MGAT4C: variants seen among roughly 807,000 people sequenced by gnomAD.
MGAT4C encodes the protein alpha-1,3-mannosyl-glycoprotein 4-beta-N-acetylglucosaminyltransferase C.
A neutral mutation model predicts 40.1 loss-of-function variants in MGAT4C; 19 were observed. That is an observed-to-expected ratio of 0.47 (90% CI 0.33 to 0.70). The LOEUF (loss-of-function observed/expected upper bound fraction) is 0.70. Among genes scored for constraint, MGAT4C ranks in the 30% least tolerant of loss-of-function variants. MGAT4C has a pLI of 0.02. For missense variants in MGAT4C, 491 were observed against 563.2 expected, an observed-to-expected ratio of 0.87 and a Z score of 1.30; for synonymous variants, 181 against 187.1, an observed-to-expected ratio of 0.97 and a Z score of 0.27.
chr12:86,057,822 G>A (rs550278294), intron 1 of MGAT4C, among the ~76,000 whole-genome samples: 1 of 152,230 alleles, frequency 6.6e-6, no homozygotes, highest in South Asian at 2.1e-4. Context: ...CCCACTAATT[G>A]GAGCTTTTAA....
chr12:86,594,649 G>C (rs1396209714), intron 2 of MGAT4C, among the ~76,000 whole-genome samples: 1 of 152,142 alleles, frequency 6.6e-6, no homozygotes, highest in East Asian at 1.9e-4. Context: ...GGGTTTATTT[G>C]AGCAATTAAA....
chr12:86,661,764 C>T (rs1963985000), intron 2 of MGAT4C, among the ~76,000 whole-genome samples: 1 of 151,910 alleles, frequency 6.6e-6, no homozygotes, highest in Admixed American at 6.6e-5. Context: ...CATAGTGAAA[C>T]CTTGTCTCTA....
intron 1 of MGAT4C, among the ~76,000 whole-genome samples, chr12:86,177,947 T>C (rs1887649224): frequency 6.6e-6 from 1 of 151,952 alleles, no homozygotes; most frequent in South Asian, 2.1e-4. Flanking sequence ...TTGATTTTAC[T>C]TTTTTTTGAG....
intron 1 of MGAT4C, among the ~76,000 whole-genome samples, chr12:86,200,135 T>A (rs55853886): frequency 0.11 from 9,837 of 89,276 alleles, 493 homozygotes; most frequent in Middle Eastern, 0.32. Context: ...TTGTTTTTTT[T>A]TTTTTTTTTT....
chr12:86,388,668 G>GTTT (rs1172330339), intron 3 of MGAT4C, among the ~76,000 whole-genome samples: 10 of 133,130 alleles, frequency 7.5e-5, no homozygotes, highest in South Asian at 2.4e-4. Flanking sequence ...ACACTTCAGC[G>GTTT]TTTTTTGTTT....
intron 3 of MGAT4C, among the ~76,000 whole-genome samples, chr12:86,377,155 G>C (rs1414499552): frequency 6.7e-6 from 1 of 150,146 alleles, no homozygotes; most frequent in East Asian, 2.0e-4. Context: ...CCACCTCCTA[G>C]GTTTAAGCGA....
chr12:86,193,340 A>T (rs945096656), intron 1 of MGAT4C, among the ~76,000 whole-genome samples: 11 of 151,884 alleles, frequency 7.2e-5, no homozygotes, highest in African/African-American at 2.7e-4. Flanking sequence ...TTCACTTTAA[A>T]CAACATAAGG....
At chr12:86,658,628 G>T (rs1201326720) in intron 2 of MGAT4C, among the ~76,000 whole-genome samples, 4 of 152,070 alleles carry the variant, frequency 2.6e-5, no homozygotes, top group South Asian at 2.1e-4. Flanking sequence ...GGAATGATCT[G>T]CTCTGAAACA....
chr12:86,593,212 AG>A (rs1413618708), intron 2 of MGAT4C, among the ~76,000 whole-genome samples: 1 of 152,042 alleles, frequency 6.6e-6, no homozygotes, highest in Non-Finnish European at 1.5e-5. Context: ...CATGTATTTC[AG>A]GAAGTTCAGA....
rs1015225799 is a variant in MGAT4C, at chr12:85,993,976, G to A, written c.-6-4424C>T. 5.6e-4 allele frequency among the ~76,000 whole-genome samples: 85 copies of A among 152,258 alleles called. 1 individual carries two copies. Among genetic ancestry groups the A allele is most frequent in the African/African-American group, 1.8e-3 (74 of 41,546 alleles). On this transcript the variant is annotated intron_variant, in intron 2 of 4. Coordinates refer to ENST00000611864, the MANE Select transcript of MGAT4C (RefSeq NM_001351288.2). ...TCCAGGGTCCTCAAGGGTGCAGACC[G>A]CAGAGAAGTCTGGATTCTGCACCTG... is the stretch of plus-strand genomic sequence containing the variant.
At chr12:85,998,192 G>T (rs1045470718) in intron 2 of MGAT4C, among the ~76,000 whole-genome samples, 3 of 152,204 alleles carry the variant, frequency 2.0e-5, no homozygotes, top group African/African-American at 4.8e-5. Flanking sequence ...TTTCAGCCAT[G>T]GCTAGAGTGG....
chr12:86,170,715 G>A (rs1222718400), intron 1 of MGAT4C, among the ~76,000 whole-genome samples: 1 of 152,074 alleles, frequency 6.6e-6, no homozygotes, highest in Admixed American at 6.6e-5. Flanking sequence ...CACTTTGGGA[G>A]GCCGAGGCAG....
chr12:86,128,166 T>C (rs1880599801), intron 1 of MGAT4C, among the ~76,000 whole-genome samples: 2 of 152,148 alleles, frequency 1.3e-5, no homozygotes, highest in South Asian at 4.1e-4. Context: ...GCGACAGGAA[T>C]TTCTGAGTTC....
chr12:86,710,476 C>G (rs1565941429), intron 2 of MGAT4C, among the ~76,000 whole-genome samples: 2 of 152,084 alleles, frequency 1.3e-5, no homozygotes, highest in South Asian at 4.1e-4. Context: ...AATTTATTGA[C>G]TCTTTTGACT....
chr12:86,311,798 C>A (rs1429654008), intron 4 of MGAT4C, among the ~76,000 whole-genome samples: 1 of 152,200 alleles, frequency 6.6e-6, no homozygotes, highest in African/African-American at 2.4e-5. Context: ...CTGACCTCCA[C>A]CATCTCCCCA....
At chr12:86,038,341 A>T (rs1455327889) in intron 2 of MGAT4C, among the ~76,000 whole-genome samples, 7 of 149,462 alleles carry the variant, frequency 4.7e-5, no homozygotes, top group Admixed American at 4.0e-4. Flanking sequence ...GCCCTGTCTC[A>T]GCTTTTTTCC....
At chr12:86,681,762 C>T (rs1212971380) in intron 2 of MGAT4C, among the ~76,000 whole-genome samples, 1 of 151,850 alleles carries the variant, frequency 6.6e-6, no homozygotes, top group Non-Finnish European at 1.5e-5. Flanking sequence ...TTCTGATATA[C>T]ATAGAAAATT....
At chr12:86,051,746 A>G (rs2136970076) in intron 1 of MGAT4C, among the ~76,000 whole-genome samples, 1 of 151,386 alleles carries the variant, frequency 6.6e-6, no homozygotes, top group African/African-American at 2.4e-5. Context: ...TACTAGATAT[A>G]TAGTATTAGT....
At chr12:86,694,574 C>A (rs1950222809) in intron 2 of MGAT4C, among the ~76,000 whole-genome samples, 1 of 152,004 alleles carries the variant, frequency 6.6e-6, no homozygotes, top group East Asian at 1.9e-4. Flanking sequence ...TGAGATATAT[C>A]TTTCAGAATT....
Sources: gnomAD v4.1 joint callset for allele counts (sites outside exome capture counted in the v4.1 genomes callset) on GRCh38, gnomAD v4.1.1 for gene constraint, MANE v1.5 for transcripts, NCBI Gene and HGNC (gene_info 2026-07-23, HGNC 2026-07-21) for gene names.